Variants in ITGA9 observed in about 807,000 individuals in gnomAD.
ITGA9 encodes the protein integrin alpha-9.
ITGA9 carries 56 observed loss-of-function variants against 127.8 expected under a neutral mutation model. The observed-to-expected ratio is 0.44, with a 90% CI of 0.35 to 0.55. The LOEUF (loss-of-function observed/expected upper bound fraction) is 0.55, where lower values mean the gene tolerates loss of function less well. Among genes scored for constraint, ITGA9 ranks in the 20% least tolerant of loss-of-function variants. ITGA9 has a pLI of 0.00. For missense variants in ITGA9, 1,196 were observed against 1,347.1 expected (o/e 0.89, Z 1.76); for synonymous variants, 508 against 514.5 (o/e 0.99, Z 0.17).
chr3:37,742,012 G>A (rs1232081675), intron 21 of ITGA9, among the ~76,000 whole-genome samples, 193 bp downstream of exon 21: 1 of 152,222 alleles, frequency 6.6e-6, no homozygotes. Context: ...TTTCTCCTCT[G>A]TCCCACCTAC....
intron 27 of ITGA9, among the ~76,000 whole-genome samples, chr3:37,809,088 CT>C (rs1208683122): frequency 0.078 from 10,375 of 133,344 alleles, 241 homozygotes; most frequent in Middle Eastern, 0.17. Flanking sequence ...AAAATCTTTT[CT>C]TTTTTTTTTT....
At chr3:37,623,581 C>T (rs1428846057) in intron 15 of ITGA9, among the ~76,000 whole-genome samples, 1 of 152,090 alleles carries the variant, frequency 6.6e-6, no homozygotes, top group African/African-American at 2.4e-5. Context: ...AGTTAGTTCC[C>T]TGATAACTTT....
Position 37,614,400 on chromosome 3 carries a change from A to T in ITGA9, c.1690-14787A>T, listed in dbSNP as rs1006328368. Among the ~76,000 whole-genome samples the T allele has an allele frequency of 2.6e-5, 4 of 152,306 alleles. No individual in the cohort carries two copies. In the South Asian group the frequency reaches 8.3e-4, roughly 32 times the overall value. ...GTATAGTTTGAAGTCAGGTAGCGTG[A>T]TGCCTCCGGTTTTGTTCTTTTGGCT... On this transcript the variant is annotated intron_variant, in intron 15 of 27. Coordinates refer to ENST00000264741, the MANE Select transcript of ITGA9 (RefSeq NM_002207.3).
rs1697537088 is a variant in ITGA9 at position 37,823,490 on chromosome 3, A to C, written c.*4501A>C. 1 of 152,260 alleles carries C rather than the reference A, an allele frequency of 6.6e-6. No individual in the cohort carries two copies. Among genetic ancestry groups the C allele is most frequent in the African/African-American group, 2.4e-5 (1 of 41,474 alleles). The allele number at this position is 152,260 out of a possible 1,614,324, so 9.4% of individuals were successfully genotyped here. A position where few individuals can be genotyped will look rare whatever the true frequency, so the allele number is the denominator to read the frequency against. ...TACAAAAACATACATGTTTGGAATA[A>C]AAAATGGCTGCAAACAATTCAGAAG... On this transcript the variant is annotated 3_prime_UTR_variant, in exon 28 of 28. Coordinates refer to ENST00000264741, the MANE Select transcript of ITGA9 (RefSeq NM_002207.3).
At chr3:37,653,617 G>A (rs1700449435) in intron 16 of ITGA9, 97 bp from the exon 17 acceptor site, 1 of 923,954 alleles carries the variant, frequency 1.1e-6, no homozygotes, top group Non-Finnish European at 1.8e-6. Context: ...GGGCTCAGGG[G>A]AGGAATTCCC....
chr3:37,516,821 G>C (rs1309827941), intron 9 of ITGA9, among the ~76,000 whole-genome samples: 2 of 152,102 alleles, frequency 1.3e-5, no homozygotes, highest in Admixed American at 6.5e-5. Context: ...TCAGTGATTT[G>C]GGGTGAGAGT....
chr3:37,507,376 G>A (rs1394368567), intron 7 of ITGA9, among the ~76,000 whole-genome samples: 2 of 152,170 alleles, frequency 1.3e-5, no homozygotes, highest in African/African-American at 2.4e-5. Flanking sequence ...TGATGCGGGT[G>A]CCTCTATGCT....
chr3:37,452,267 G>A lies in ITGA9; in HGVS notation c.-108G>A, dbSNP rs1698199726. On this transcript the variant is annotated 5_prime_UTR_variant, in exon 1 of 28. Transcript: ENST00000264741. The surrounding 1 kb of genome is among the most constrained non-coding windows in gnomAD (Gnocchi z 7.3). ...ACGCCCGCATTCCGCCCGTGTCCAG[G>A]CGCAGAGCTCCCGCCCCGGGGAGCT... 1 of 539,742 alleles carries A rather than the reference G, an allele frequency of 1.9e-6. No individual in the cohort carries two copies. The highest frequency in any genetic ancestry group is 2.4e-6 in the Non-Finnish European group (1 of 422,044). The allele number at this position is 539,742 out of a possible 1,614,324, so 33.4% of individuals were successfully genotyped here. A position where few individuals can be genotyped will look rare whatever the true frequency, so the allele number is the denominator to read the frequency against.
At chr3:37,599,139 C>T (rs943232920) in intron 15 of ITGA9, among the ~76,000 whole-genome samples, 4 of 152,224 alleles carry the variant, frequency 2.6e-5, no homozygotes, top group Non-Finnish European at 4.4e-5. Flanking sequence ...CATAGGTGCA[C>T]GGCATAGTGT....
chr3:37,727,517 T>C (rs907438445), intron 18 of ITGA9, among the ~76,000 whole-genome samples: 1 of 152,216 alleles, frequency 6.6e-6, no homozygotes, highest in Non-Finnish European at 1.5e-5. Flanking sequence ...CTGCATTTAT[T>C]CAGTGGCACT....
At chr3:37,660,275 A>G (rs1395737519) in intron 17 of ITGA9, among the ~76,000 whole-genome samples, 1 of 152,226 alleles carries the variant, frequency 6.6e-6, no homozygotes, top group Non-Finnish European at 1.5e-5. Flanking sequence ...TTTTAGGGAA[A>G]AAATAACAAG....
intron 21 of ITGA9, among the ~76,000 whole-genome samples, chr3:37,742,240 C>T (rs1696446438): frequency 1.3e-5 from 2 of 152,158 alleles, no homozygotes; most frequent in South Asian, 4.1e-4. Context: ...AGTCCTGGCT[C>T]ACAGGAGGAC....
intron 27 of ITGA9, among the ~76,000 whole-genome samples, chr3:37,812,536 T>A (rs1336109213): frequency 6.6e-6 from 1 of 152,242 alleles, no homozygotes; most frequent in Admixed American, 6.5e-5. Context: ...GTAAGGCTGT[T>A]TGGGGCAATC....
intron 1 of ITGA9, among the ~76,000 whole-genome samples, chr3:37,465,072 G>T (rs1202787263): frequency 5.9e-5 from 9 of 152,210 alleles, no homozygotes; most frequent in Admixed American, 5.2e-4. Context: ...AAACCTAATG[G>T]GTTTAAAGTT....
At chr3:37,542,347 C>G in intron 14 of ITGA9, 78 bp from the exon 15 acceptor site, 1 of 1,479,860 alleles carries the variant, frequency 6.8e-7, no homozygotes. Context: ...TGCATGTGAT[C>G]CTGTGACAAG....
intron 17 of ITGA9, among the ~76,000 whole-genome samples, chr3:37,678,808 T>A (rs1230295458): frequency 6.6e-6 from 1 of 152,194 alleles, no homozygotes; most frequent in Non-Finnish European, 1.5e-5. Context: ...ATGTATTGCA[T>A]TTACCCAACA....
Position 37,629,133 on chromosome 3 carries a change from T to G in ITGA9, c.1690-54T>G. 2 of 1,604,914 alleles carry G rather than the reference T, an allele frequency of 1.2e-6. No individual in the cohort carries two copies. Among genetic ancestry groups the G allele is most frequent in the Non-Finnish European group, 1.7e-6 (2 of 1,173,432 alleles). ...GGTCTTTGTAAACTGTGAAATGCTC[T>G]ACGACTGTCAGCCAGGATTAGTAGT... On this transcript the variant is annotated intron_variant, in intron 15 of 27. Transcript: ENST00000264741. The surrounding 1 kb of genome is among the most constrained non-coding windows in gnomAD (Gnocchi z 4.5).
chr3:37,554,798 CTGG>C (rs1699414272), intron 15 of ITGA9, among the ~76,000 whole-genome samples: 1 of 152,160 alleles, frequency 6.6e-6, no homozygotes, highest in South Asian at 2.1e-4. Context: ...GGAGTTGTCA[CTGG>C]TGGTGTTTTC....
At chr3:37,488,696 G>C (rs113291279) in intron 4 of ITGA9, among the ~76,000 whole-genome samples, 2 of 151,712 alleles carry the variant, frequency 1.3e-5, no homozygotes, top group Admixed American at 1.3e-4. Context: ...TACTTGGGAG[G>C]GTGAGGCACG....
Sources: gnomAD v4.1 joint callset for allele counts (sites outside exome capture counted in the v4.1 genomes callset) on GRCh38, gnomAD v4.1.1 for gene constraint, Gnocchi (gnomAD v3.1) non-coding constraint, MANE v1.5 for transcripts, NCBI Gene and HGNC (gene_info 2026-07-23, HGNC 2026-07-21) for gene names.